Variants in IRAG2 observed in about 807,000 individuals in gnomAD.
IRAG2 encodes inositol 1,4,5-triphosphate receptor associated 2.
Under a neutral mutation model 69.9 loss-of-function variants are expected in IRAG2, and 45 were observed. The observed-to-expected ratio is 0.64, with a 90% CI of 0.51 to 0.83. The LOEUF (loss-of-function observed/expected upper bound fraction) is 0.83. Ranked by LOEUF, IRAG2 falls within the 40% of genes least tolerant of loss-of-function variation. The probability of loss-of-function intolerance (pLI) is 0.00; values close to 1 mark genes in which losing one functional copy is unlikely to be tolerated. For missense variants in IRAG2, 520 were observed against 587.0 expected, an observed-to-expected ratio of 0.89 and a Z score of 1.18; for synonymous variants, 193 against 202.4, an observed-to-expected ratio of 0.95 and a Z score of 0.40.
chr12:25,039,943 A>G (rs1048524258), intron 16 of IRAG2, among the ~76,000 whole-genome samples: 2 of 152,208 alleles, frequency 1.3e-5, no homozygotes, highest in African/African-American at 4.8e-5. Flanking sequence ...AATTTGCCCA[A>G]GGTTACCCAG....
chr12:25,097,438 T>C (rs1480295603), intron 15 of IRAG2: 3 of 153,702 alleles, frequency 2.0e-5, no homozygotes, highest in Admixed American at 1.3e-4. Context: ...TAGATATAAA[T>C]TATTTAACCA....
At chr12:25,095,406 T>C (rs945544723) in intron 14 of IRAG2, among the ~76,000 whole-genome samples, 1 of 152,154 alleles carries the variant, frequency 6.6e-6, no homozygotes, top group Non-Finnish European at 1.5e-5. Context: ...AATGACTATA[T>C]GGTTTTTGTC....
chr12:25,004,837 G>C, exon 1 of IRAG2: 1 of 1,232,048 alleles, frequency 8.1e-7, no homozygotes, highest in South Asian at 4.1e-5. Context: ...ACTTGACTTT[G>C]ATTCCACCTT....
At chr12:25,071,374 A>T (rs1184573195) in intron 6 of IRAG2, among the ~76,000 whole-genome samples, 4 of 152,154 alleles carry the variant, frequency 2.6e-5, no homozygotes, top group Non-Finnish European at 4.4e-5. Context: ...TAAATTGAAA[A>T]TTTTTAAAAA....
At chr12:25,105,821 A>G (rs545010653) in intron 20 of IRAG2, among the ~76,000 whole-genome samples, 54 of 152,304 alleles carry the variant, frequency 3.5e-4, no homozygotes, top group South Asian at 8.3e-4. Flanking sequence ...ACTAAAGTCT[A>G]TCATATTTAT....
exon 1 of IRAG2, chr12:25,004,557 C>T (rs1202413268): frequency 8.9e-6 from 11 of 1,232,060 alleles, no homozygotes; most frequent in East Asian, 3.2e-5. Flanking sequence ...TTCCTACGCC[C>T]GGCTCTCATT....
rs371760216 is a variant in IRAG2, at chr12:25,089,807, T to A, written c.465+17T>A. 3.7e-4 allele frequency: 600 copies of A among 1,609,522 alleles called. No individual in the cohort carries two copies. Among genetic ancestry groups the A allele is most frequent in the Non-Finnish European group, 4.9e-4 (574 of 1,177,436 alleles). ...GAGGTGGAGGTGAGTTTAAAGCAAA[T>A]TTTTTTTCCTTTTAAAAAAGTGTTC... On this transcript the variant is annotated intron_variant, in intron 13 of 21. Coordinates refer to ENST00000556887, the MANE Select transcript of IRAG2 (RefSeq NM_001366544.2).
At chr12:25,068,946 T>G (rs991082758) in intron 5 of IRAG2, among the ~76,000 whole-genome samples, 1 of 152,218 alleles carries the variant, frequency 6.6e-6, no homozygotes, top group African/African-American at 2.4e-5. Context: ...TTTGGGAACC[T>G]ATACCTGTCC....
At chr12:25,051,554 G>A (rs544093355), upstream of IRAG2, among the ~76,000 whole-genome samples, 52 of 152,298 alleles carry the variant, frequency 3.4e-4, 1 homozygote, top group African/African-American at 1.2e-3. Context: ...GAGAGTAAGT[G>A]CATTTTTACA....
chr12:25,074,049 C>T (rs1946505280), intron 6 of IRAG2, among the ~76,000 whole-genome samples: 1 of 152,230 alleles, frequency 6.6e-6, no homozygotes, highest in South Asian at 2.1e-4. Flanking sequence ...AGATTGAAGA[C>T]TGGCTTTATT....
intron 10 of IRAG2, among the ~76,000 whole-genome samples, chr12:25,086,651 C>T (rs570259473): frequency 3.9e-5 from 6 of 152,110 alleles, no homozygotes; most frequent in African/African-American, 7.2e-5. Context: ...AGACTGAGAA[C>T]GGGCTGTGAC....
At position 25,104,406 on chromosome 12, in the gene IRAG2, T is replaced by G. The variant is rs569136828; in HGVS notation, c.1092T>G (p.Pro364=). 4.3e-6 allele frequency: 7 copies of G among 1,613,646 alleles called. No homozygotes were observed. In the African/African-American group the frequency reaches 9.3e-5, roughly 22 times the overall value. ...AGAGTGAACACCGTCCCTCATTACC[T>G]CGATTTATTAGCACCTATTCCTGGG... ...SKQSEHRPSL[P]RFISTYSWAD... is the part of the protein sequence containing the mutation. Residue 364 remains proline, a synonymous_variant, in exon 20 of 22, where the codon CCT becomes CCG. Coordinates refer to ENST00000556887, the MANE Select transcript of IRAG2 (RefSeq NM_001366544.2).
intron 20 of IRAG2, among the ~76,000 whole-genome samples, chr12:25,104,833 C>T (rs112797258): frequency 7.9e-5 from 12 of 151,772 alleles, no homozygotes; most frequent in Admixed American, 2.0e-4. Flanking sequence ...ATATAACGTA[C>T]GTATTATATA....
intron 6 of IRAG2, among the ~76,000 whole-genome samples, chr12:25,075,274 C>A (rs116022019): frequency 0.017 from 2,643 of 152,044 alleles, 83 homozygotes; most frequent in African/African-American, 0.061. Context: ...TTTTTTTGTT[C>A]TCAGAAAATC....
chr12:25,107,887 C>T lies in IRAG2; in HGVS notation c.1327C>T (p.Leu443Phe). 1 of 1,614,146 alleles carries T rather than the reference C, an allele frequency of 6.2e-7. No individual in the cohort carries two copies. The highest frequency in any genetic ancestry group is 8.5e-7 in the Non-Finnish European group (1 of 1,179,982). Residue 443 changes from leucine (L) to phenylalanine (F), a missense_variant, in exon 22 of 22, where the codon CTC (leucine) becomes TTC (phenylalanine). Coordinates refer to ENST00000556887, the MANE Select transcript of IRAG2 (RefSeq NM_001366544.2). The stretch of plus-strand genomic sequence containing the variant: ...CAGAAAGGCTAATAAGGCCCTCTGG[C>T]TCTCTATTGCATTCATTGTACTGTT... The part of the protein sequence containing the change: ...SIRKANKALW[L>F]SIAFIVLFAA...
intron 6 of IRAG2, chr12:25,076,557 C>T (rs1946701985): frequency 1.0e-6 from 1 of 984,370 alleles, no homozygotes; most frequent in Non-Finnish European, 1.2e-6. Context: ...TTTCCCCAAA[C>T]TGGAAACTGG....
intron 9 of IRAG2, chr12:25,026,950 AAAC>A: frequency 1.7e-6 from 1 of 598,572 alleles, no homozygotes. Context: ...CCTCATTGAC[AAAC>A]TAAACTTTGG....
intron 21 of IRAG2, 87 bp downstream of exon 21, chr12:25,107,137 A>G: frequency 1.7e-6 from 1 of 572,416 alleles, no homozygotes; most frequent in Non-Finnish European, 2.9e-6. Flanking sequence ...TAATCAAATT[A>G]CTAAAAGACA....
chr12:25,012,142 C>A lies in IRAG2; in HGVS notation c.896+591C>A, dbSNP rs61912235. The stretch of plus-strand genomic sequence containing the variant: ...TGTCTTCTTCCACAGAAAGCGAATT[C>A]CCTTTTTTTTTTTTTTTTTTTTTTT... On this transcript the variant is annotated intron_variant, in intron 3 of 38. Coordinates refer to the IRAG2 transcript ENST00000636465. 9.1e-3 allele frequency among the ~76,000 whole-genome samples: 68 copies of A among 7,478 alleles called. No homozygotes were observed. In the East Asian group the frequency reaches 0.35, roughly 39 times the overall value. 4.9% of individuals were successfully genotyped at this position (7,478 alleles called of 152,430 possible). A position where few individuals can be genotyped will look rare whatever the true frequency, so the allele number is the denominator to read the frequency against.
Sources: allele counts gnomAD v4.1 joint callset (sites outside exome capture counted in the v4.1 genomes callset), GRCh38; gene constraint gnomAD v4.1.1; transcripts MANE v1.5; gene names NCBI Gene and HGNC (gene_info 2026-07-23, HGNC 2026-07-21).